ACSL1: variants seen among roughly 807,000 people sequenced by gnomAD.
ACSL1 encodes acyl-CoA synthetase long chain family member 1, also known as long-chain-fatty-acid--CoA ligase 1.
In ACSL1, 41 loss-of-function variants were observed where a neutral mutation model predicts 98.4. That is an observed-to-expected ratio of 0.42 (90% confidence interval 0.32 to 0.54). The LOEUF is 0.54. ACSL1 is among the 20% of genes least tolerant of loss of function. ACSL1 has a pLI of 0.13. For synonymous variants in ACSL1, 316 were observed against 322.7 expected (o/e 0.98, Z 0.22); for missense variants, 734 against 883.1 (o/e 0.83, Z 2.14).
intron 1 of ACSL1, among the ~76,000 whole-genome samples, chr4:184,822,531 G>A (rs946013104): frequency 1.3e-5 from 2 of 152,150 alleles, no homozygotes; most frequent in African/African-American, 4.8e-5. Flanking sequence ...TTGAGCCCAG[G>A]AGTTCGAGAC....
chr4:184,790,556 A>T (rs1194102906), intron 2 of ACSL1, among the ~76,000 whole-genome samples: 1 of 152,202 alleles, frequency 6.6e-6, no homozygotes, highest in Non-Finnish European at 1.5e-5. Flanking sequence ...TGTGATTCCA[A>T]ACATGCTTAC....
chr4:184,825,288 C>T lies in ACSL1; in HGVS notation c.-33+628G>A, dbSNP rs1773377378. On this transcript the variant is annotated intron_variant, in intron 1 of 20. Transcript: ENST00000281455. This position sits in a 1 kb window ranked among gnomAD's most constrained non-coding sequence, Gnocchi z 4.7. ...CTTTGCTTCTCAATTTCAAAAAATG[C>T]CAGCACTCCTTAGATCAATGACTCC... 5 of 979,476 alleles carry T rather than the reference C, an allele frequency of 5.1e-6. No individual in the cohort carries two copies. Among genetic ancestry groups the T allele is most frequent in the Non-Finnish European group, 4.9e-6 (4 of 824,512 alleles). The allele number at this position is 979,476 out of a possible 1,614,324, so 60.7% of individuals were successfully genotyped here.
chr4:184,802,363 C>CG (rs569751504), intron 2 of ACSL1, among the ~76,000 whole-genome samples: 1 of 151,968 alleles, frequency 6.6e-6, no homozygotes, highest in Non-Finnish European at 1.5e-5. Flanking sequence ...GCAGTCAGCC[C>CG]GGGGGGGTGG....
intron 17 of ACSL1, among the ~76,000 whole-genome samples, chr4:184,761,850 G>A (rs1357775255): frequency 1.3e-5 from 2 of 152,196 alleles, no homozygotes; most frequent in South Asian, 2.1e-4. Flanking sequence ...CGGGCCAGGC[G>A]CGGTGGTGGC....
At chr4:184,812,735 G>T (rs368257825) in intron 1 of ACSL1, among the ~76,000 whole-genome samples, 2 of 152,248 alleles carry the variant, frequency 1.3e-5, no homozygotes, top group South Asian at 2.1e-4. Flanking sequence ...AATCAAGGCT[G>T]CCCCGGGGGA....
At chr4:184,797,167 C>G (rs73875810) in intron 2 of ACSL1, among the ~76,000 whole-genome samples, 1 of 113,960 alleles carries the variant, frequency 8.8e-6, no homozygotes, top group Non-Finnish European at 2.0e-5. Context: ...CTCCCGCTCA[C>G]AGCGGGCCCC....
intron 16 of ACSL1, 109 bp from the exon 17 acceptor site, chr4:184,762,632 C>T (rs1293531993): frequency 3.8e-5 from 36 of 958,042 alleles, no homozygotes; most frequent in Non-Finnish European, 5.5e-5. Context: ...TAGCTGGAAG[C>T]CCTAAACTCC....
At chr4:184,826,370 C>T (rs1773491869), upstream of ACSL1, among the ~76,000 whole-genome samples, 1 of 152,136 alleles carries the variant, frequency 6.6e-6, no homozygotes, top group Non-Finnish European at 1.5e-5. Flanking sequence ...CCCTCCGGAT[C>T]CTGCACCCTC....
intron 1 of ACSL1, among the ~76,000 whole-genome samples, chr4:184,816,299 T>C (rs1772630715): frequency 6.6e-6 from 1 of 152,038 alleles, no homozygotes; most frequent in Admixed American, 6.6e-5. Context: ...GGGAAAAGGT[T>C]AACCAGGATT....
At chr4:184,822,582 T>C (rs1489890518) in intron 1 of ACSL1, among the ~76,000 whole-genome samples, 2 of 151,436 alleles carry the variant, frequency 1.3e-5, no homozygotes, top group African/African-American at 2.4e-5. Context: ...ACGAAAAAAA[T>C]ACAAAAATTA....
intron 1 of ACSL1, among the ~76,000 whole-genome samples, chr4:184,813,319 A>C (rs141911698): frequency 1.3e-5 from 2 of 152,206 alleles, no homozygotes; most frequent in South Asian, 2.1e-4. Context: ...TGTTGTAGAT[A>C]TGTCACAATG....
At chr4:184,794,787 G>A (rs114426301) in intron 2 of ACSL1, among the ~76,000 whole-genome samples, 4 of 152,160 alleles carry the variant, frequency 2.6e-5, no homozygotes, top group Admixed American at 2.6e-4. Context: ...CTTCATCCTT[G>A]AGGAGGCGGG....
rs553367925 is a variant in ACSL1, at chr4:184,765,653, C to T, written c.1359+238G>A. On this transcript the variant is annotated intron_variant, in intron 14 of 20. Coordinates refer to ENST00000281455, the MANE Select transcript of ACSL1 (RefSeq NM_001995.5). ...AGAGGGTAGATTCCAAGTGTTCTCA[C>T]CACGTGGGAAAAAAAAGTATGGGTG... Among the ~76,000 whole-genome samples the T allele has an allele frequency of 3.3e-5, 5 of 152,222 alleles. No homozygotes were observed. In the East Asian group the frequency reaches 9.6e-4, roughly 29 times the overall value.
chr4:184,770,000 A>G (rs185289866), intron 11 of ACSL1, among the ~76,000 whole-genome samples: 1 of 152,282 alleles, frequency 6.6e-6, no homozygotes, highest in East Asian at 1.9e-4. Flanking sequence ...TTCTCACAGA[A>G]CGGAAGCCTC....
At chr4:184,810,226 A>T (rs1771911027) in intron 1 of ACSL1, among the ~76,000 whole-genome samples, 1 of 152,240 alleles carries the variant, frequency 6.6e-6, no homozygotes, top group Non-Finnish European at 1.5e-5. Flanking sequence ...CATTTGCTGT[A>T]GAAAAAGTCT....
intron 4 of ACSL1, among the ~76,000 whole-genome samples, chr4:184,782,231 C>T (rs777466703): frequency 2.5e-4 from 37 of 145,564 alleles, no homozygotes; most frequent in African/African-American, 8.9e-4. Flanking sequence ...ATAATACACG[C>T]ACATTTATAT....
At chr4:184,809,534 T>C (rs1469521359) in intron 1 of ACSL1, among the ~76,000 whole-genome samples, 1 of 152,176 alleles carries the variant, frequency 6.6e-6, no homozygotes, top group Non-Finnish European at 1.5e-5. Context: ...GGCTCACACC[T>C]GTAATCCCAG....
At chr4:184,801,229 A>G (rs1294995323) in intron 2 of ACSL1, among the ~76,000 whole-genome samples, 2 of 152,220 alleles carry the variant, frequency 1.3e-5, no homozygotes, top group Non-Finnish European at 2.9e-5. Context: ...TGCCTTAAAA[A>G]TCAGTAGCTG....
At chr4:184,824,542 C>T (rs757420264) in intron 1 of ACSL1, among the ~76,000 whole-genome samples, 2 of 152,048 alleles carry the variant, frequency 1.3e-5, no homozygotes, top group Non-Finnish European at 2.9e-5. Flanking sequence ...TTTTTCTAGT[C>T]GCAGAATTTG....
Sources: allele counts gnomAD v4.1 joint callset (sites outside exome capture counted in the v4.1 genomes callset), GRCh38; gene constraint gnomAD v4.1.1; non-coding constraint Gnocchi (gnomAD v3.1); transcripts MANE v1.5; gene names NCBI Gene and HGNC (gene_info 2026-07-23, HGNC 2026-07-21).